The following SPARCL1 variants were observed in gnomAD, a reference collection of about 807,000 sequenced individuals.
The protein encoded by SPARCL1 is SPARC-like protein 1.
A neutral mutation model predicts 67.1 loss-of-function variants in SPARCL1; 52 were observed. The ratio of observed to expected loss-of-function variants is 0.78; its 90% CI spans 0.62 to 0.98. The LOEUF is 0.98. SPARCL1 is among the 50% of genes least tolerant of loss of function. SPARCL1 has a pLI of 0.00. For missense variants in SPARCL1, 717 were observed against 782.4 expected, an observed-to-expected ratio of 0.92 and a Z score of 1.00; for synonymous variants, 226 against 267.8, an observed-to-expected ratio of 0.84 and a Z score of 1.52.
intron 10 of SPARCL1, among the ~76,000 whole-genome samples, chr4:87,475,470 G>C (rs940550022): frequency 1.3e-5 from 2 of 152,124 alleles, no homozygotes; most frequent in Admixed American, 6.5e-5. Flanking sequence ...TCTCAGTGCA[G>C]TGTTCAATCC....
At chr4:87,514,637 G>A (rs1870881) in intron 1 of SPARCL1, among the ~76,000 whole-genome samples, 40,017 of 152,052 alleles carry the variant, frequency 0.26, 6,104 homozygotes, top group East Asian at 0.59. Flanking sequence ...TTCTTCCATT[G>A]TGTTCCACGT....
chr4:87,501,999 C>T (rs1256082601), intron 1 of SPARCL1, among the ~76,000 whole-genome samples: 10 of 150,412 alleles, frequency 6.6e-5, no homozygotes, highest in East Asian at 3.9e-4. Context: ...GATAGGGTTT[C>T]GCCATGATAC....
At position 87,529,369 on chromosome 4, in the gene SPARCL1, C is replaced by G. The variant is rs56290983; in HGVS notation, c.-336G>C. The G allele has an allele frequency of 5.2e-3, 796 of 152,288 alleles. 8 individuals carry two copies. The highest frequency in any genetic ancestry group is 7.8e-3 in the Non-Finnish European group (529 of 68,024). 9.4% of individuals were successfully genotyped at this position (152,288 alleles called of 1,614,324 possible). Reference sequence around the variant, plus strand: ...GCCTCTCATGCGAGGGCTTTACAGGCAGTGCTTGCAAACCAAAAGGGAAAG... The same window carrying G: ...GCCTCTCATGCGAGGGCTTTACAGGGAGTGCTTGCAAACCAAAAGGGAAAG... On this transcript the variant is annotated 5_prime_UTR_variant, in exon 1 of 11. Transcript: ENST00000282470.
chr4:87,494,264 C>T lies in SPARCL1; in HGVS notation c.536G>A (p.Ser179Asn), dbSNP rs143076536. 6.8e-6 allele frequency: 11 copies of T among 1,614,026 alleles called. No individual in the cohort carries two copies. In the African/African-American group the frequency reaches 1.5e-4, roughly 22 times the overall value. ...NYSHHQLNRSSKHSQGLRDQG... is the reference protein window; with the variant it reads ...NYSHHQLNRSNKHSQGLRDQG... ...ATCCCTTAGGCCTTGGCTATGTTTA[C>T]TGCTCCTGTTCAACTGATGATGTGA... The change falls in exon 4 of 11, where the codon AGT becomes AAT. Residue 179 changes from serine (S) to asparagine (N), a missense_variant. By Grantham distance (46) the Ser-to-Asn change is conservative. Transcript: ENST00000282470.
intron 1 of SPARCL1, among the ~76,000 whole-genome samples, chr4:87,525,770 A>G: frequency 6.6e-6 from 1 of 152,214 alleles, no homozygotes; most frequent in East Asian, 1.9e-4. Context: ...CTAAAGAAGG[A>G]TTTTAAAGCA....
chr4:87,485,631 G>T (rs2110218284), intron 7 of SPARCL1, among the ~76,000 whole-genome samples: 1 of 151,262 alleles, frequency 6.6e-6, no homozygotes. Flanking sequence ...AATACTTTCT[G>T]AAGGAATAGT....
At chr4:87,521,949 G>A (rs1346600803) in intron 1 of SPARCL1, among the ~76,000 whole-genome samples, 21 of 152,052 alleles carry the variant, frequency 1.4e-4, no homozygotes, top group African/African-American at 5.1e-4. Flanking sequence ...ATTATTATAG[G>A]TACTTTATAA....
chr4:87,490,340 A>C lies in SPARCL1; in HGVS notation c.1464T>G (p.Thr488=). 1 of 1,613,668 alleles carries C rather than the reference A, an allele frequency of 6.2e-7. No individual in the cohort carries two copies. The highest frequency in any genetic ancestry group is 8.5e-7 in the Non-Finnish European group (1 of 1,179,778). ...TYASSCHLFA[T]KCRLEGTKKG... ...TTTTGGTCCCCTCCAGTCTGCATTT[A>C]GTAGCGAATAGATGACAGGAACTAG... is the stretch of plus-strand genomic sequence containing the variant. The change falls in exon 7 of 11, where the codon ACT becomes ACG. Residue 488 remains threonine (T), a synonymous_variant. Coordinates refer to ENST00000282470, the MANE Select transcript of SPARCL1 (RefSeq NM_004684.6).
At position 87,493,997 on chromosome 4, in the gene SPARCL1, T is replaced by C. The variant is rs1477022468; in HGVS notation, c.803A>G (p.Gln268Arg). Residue 268 changes from glutamine (Q) to arginine (R), a missense_variant, in exon 4 of 11, where the codon CAA becomes CGA. Gln to Arg is a conservative substitution (Grantham distance 43). Transcript: ENST00000282470. Reference sequence around the variant, plus strand: ...CATTTCTGCATTGGAGTTATCTTCTTGTTCTTGGTTACCCTGATCAAATTC... The same window carrying C: ...CATTTCTGCATTGGAGTTATCTTCTCGTTCTTGGTTACCCTGATCAAATTC... ...EDEFDQGNQE[Q>R]EDNSNAEMEE... 1 of 1,614,182 alleles carries C rather than the reference T, an allele frequency of 6.2e-7. No homozygotes were observed. The highest frequency in any genetic ancestry group is 1.3e-5 in the African/African-American group (1 of 75,066).
At chr4:87,505,106 G>A (rs184913161) in intron 1 of SPARCL1, among the ~76,000 whole-genome samples, 1 of 152,284 alleles carries the variant, frequency 6.6e-6, no homozygotes, top group East Asian at 1.9e-4. Flanking sequence ...GTCCCTGACT[G>A]CCAGGAGACC....
rs142985575 is a variant in SPARCL1, at chr4:87,497,513, G to A, written c.54+2008C>T. On this transcript the variant is annotated intron_variant, in intron 2 of 10. Transcript: ENST00000282470. ...ATTGAAATTATGTTTTATCACTATG[G>A]GCATATTTCTATTTATTTAACTCTG... Among the ~76,000 whole-genome samples the A allele has an allele frequency of 6.5e-3, 985 of 152,204 alleles. 11 individuals carry two copies. Among genetic ancestry groups the A allele is most frequent in the African/African-American group, 0.022 (921 of 41,522 alleles).
Position 87,473,690 on chromosome 4 carries a change from T to A in SPARCL1, c.*85A>T. 2.1e-6 allele frequency: 2 copies of A among 957,550 alleles called. No individual in the cohort carries two copies. The highest frequency in any genetic ancestry group is 3.2e-6 in the Non-Finnish European group (2 of 634,206). 59.3% of individuals were successfully genotyped at this position (957,550 alleles called of 1,614,324 possible). ...ATGCTAACATTTTGCTAAATATAAATCTACAAGTATCACAGCTGCATATAT... is the reference window on the plus strand; with the variant it reads ...ATGCTAACATTTTGCTAAATATAAAACTACAAGTATCACAGCTGCATATAT... On this transcript the variant is annotated 3_prime_UTR_variant, in exon 11 of 11. Coordinates refer to ENST00000282470, the MANE Select transcript of SPARCL1 (RefSeq NM_004684.6).
intron 1 of SPARCL1, among the ~76,000 whole-genome samples, chr4:87,517,403 T>C (rs774526531): frequency 2.6e-5 from 4 of 152,218 alleles, no homozygotes; most frequent in African/African-American, 4.8e-5. Context: ...TCCTGGCGTT[T>C]GTGACGTTGC....
intron 1 of SPARCL1, among the ~76,000 whole-genome samples, chr4:87,525,162 CAA>C (rs137937525): frequency 2.1e-4 from 29 of 138,272 alleles, no homozygotes; most frequent in African/African-American, 5.4e-4. Flanking sequence ...GACTCTGTCT[CAA>C]AAAAAAAAAA....
rs1203710592 is a variant in SPARCL1, at chr4:87,490,821, C to T, written c.1349G>A (p.Gly450Glu). Residue 450 changes from glycine to glutamate, a missense_variant, in exon 6 of 11, where the codon GGA (glycine) becomes GAA (glutamate). By Grantham distance (98) the Gly-to-Glu change is moderately conservative. Transcript: ENST00000282470. Reference protein sequence around the residue: ...RGHICKADQQGKPHCVCQDPV... With the variant: ...RGHICKADQQEKPHCVCQDPV... ...ATCCTGGCAGACACAGTGAGGTTTT[C>T]CCTGTTGGTCTGCCTTACAGATGTG... The T allele has an allele frequency of 7.4e-6, 12 of 1,612,864 alleles. No individual in the cohort carries two copies. The highest frequency in any genetic ancestry group is 1.0e-5 in the Non-Finnish European group (12 of 1,179,352).
intron 2 of SPARCL1, among the ~76,000 whole-genome samples, chr4:87,496,651 T>C (rs1724631601): frequency 6.6e-6 from 1 of 152,216 alleles, no homozygotes; most frequent in African/African-American, 2.4e-5. Context: ...AAATTACTAT[T>C]TCTAGTACTA....
intron 10 of SPARCL1, among the ~76,000 whole-genome samples, chr4:87,475,669 T>C (rs531780774): frequency 1.5e-4 from 23 of 152,218 alleles, no homozygotes; most frequent in African/African-American, 4.8e-4. Flanking sequence ...AAAATTTAAA[T>C]CAAAACCATC....
chr4:87,491,953 CCCAAA>C (rs772054794), intron 4 of SPARCL1, among the ~76,000 whole-genome samples: 880 of 44,212 alleles, frequency 0.02, 7 homozygotes, highest in Middle Eastern at 0.059. Context: ...CACCCCCCCC[CCCAAA>C]AAAAAAAAAA....
At chr4:87,486,959 A>G (rs1367082337) in intron 7 of SPARCL1, among the ~76,000 whole-genome samples, 1 of 90,118 alleles carries the variant, frequency 1.1e-5, no homozygotes, top group African/African-American at 4.4e-5. Context: ...ATAGTCCTCC[A>G]TCCCTTTATT....
Sources: gnomAD v4.1 joint callset for allele counts (sites outside exome capture counted in the v4.1 genomes callset) on GRCh38, gnomAD v4.1.1 for gene constraint, MANE v1.5 for transcripts, NCBI Gene and HGNC (gene_info 2026-07-23, HGNC 2026-07-21) for gene names.